Variants in REDIC1 observed in about 807,000 individuals in gnomAD.
REDIC1 encodes the protein HEI10 Interacting Protein 1.
chr12:39,843,798 T>G, the REDIC1 span, among the ~76,000 whole-genome samples: 1 of 152,024 alleles, frequency 6.6e-6, no homozygotes, highest in Non-Finnish European at 1.5e-5. Flanking sequence ...CACAAAGATT[T>G]TGTTATTGTT....
At chr12:39,841,976 A>G in the REDIC1 span, among the ~76,000 whole-genome samples, 1 of 152,096 alleles carries the variant, frequency 6.6e-6, no homozygotes, top group East Asian at 1.9e-4. Context: ...CTAAATAATT[A>G]CATGTTCTCA....
the REDIC1 span, among the ~76,000 whole-genome samples, chr12:39,802,690 T>A: frequency 1.3e-5 from 2 of 152,140 alleles, no homozygotes; most frequent in South Asian, 4.1e-4. Flanking sequence ...TGTCTATGTA[T>A]ACACACATAG....
the REDIC1 span, among the ~76,000 whole-genome samples, chr12:39,772,457 G>A: frequency 6.6e-6 from 1 of 151,950 alleles, no homozygotes; most frequent in Non-Finnish European, 1.5e-5. Flanking sequence ...ACCCTATGTA[G>A]AGATAAATGT....
At chr12:39,660,509 T>A in the REDIC1 span, among the ~76,000 whole-genome samples, 119,881 of 151,320 alleles carry the variant, frequency 0.79, 48,207 homozygotes, top group Non-Finnish European at 0.86. Context: ...TCTTTTTTTT[T>A]AAATTTTTTA....
At chr12:39,726,319 C>A in the REDIC1 span, among the ~76,000 whole-genome samples, 950 of 152,188 alleles carry the variant, frequency 6.2e-3, 6 homozygotes, top group African/African-American at 0.022. Context: ...CCTAGCCCCC[C>A]ACACCCCAAC....
the REDIC1 span, among the ~76,000 whole-genome samples, chr12:39,713,533 C>A: frequency 6.7e-6 from 1 of 148,892 alleles, no homozygotes; most frequent in Non-Finnish European, 1.5e-5. Flanking sequence ...CATGTGTACA[C>A]GTACATACGT....
the REDIC1 span, among the ~76,000 whole-genome samples, chr12:39,901,807 A>G: frequency 4.2e-5 from 6 of 142,296 alleles, no homozygotes; most frequent in African/African-American, 1.1e-4. Context: ...ATCTAGAACT[A>G]GAAATACCAT....
At chr12:39,713,181 A>G in the REDIC1 span, among the ~76,000 whole-genome samples, 1 of 150,004 alleles carries the variant, frequency 6.7e-6, no homozygotes, top group South Asian at 2.1e-4. Context: ...ATGTGCATAT[A>G]CCCATGTGTA....
chr12:39,888,790 T>G, the REDIC1 span, among the ~76,000 whole-genome samples: 4 of 152,134 alleles, frequency 2.6e-5, no homozygotes, highest in East Asian at 7.7e-4. Flanking sequence ...GTAACCAAAA[T>G]TTTATAATAT....
the REDIC1 span, among the ~76,000 whole-genome samples, chr12:39,638,546 C>A: frequency 6.6e-6 from 1 of 151,952 alleles, no homozygotes; most frequent in Non-Finnish European, 1.5e-5. Flanking sequence ...TTTGAATCAG[C>A]CAAATATACT....
the REDIC1 span, among the ~76,000 whole-genome samples, chr12:39,651,190 TATA>T: frequency 2.0e-5 from 3 of 152,292 alleles, no homozygotes; most frequent in Middle Eastern, 3.4e-3. Context: ...ATAGAACAAT[TATA>T]ATGATATACT....
chr12:39,661,315 G>A, the REDIC1 span, among the ~76,000 whole-genome samples: 6 of 151,790 alleles, frequency 4.0e-5, no homozygotes, highest in South Asian at 8.3e-4. Flanking sequence ...CTTGCTGTTT[G>A]TTATTTTTTT....
At chr12:39,803,133 A>C in the REDIC1 span, among the ~76,000 whole-genome samples, 1 of 151,832 alleles carries the variant, frequency 6.6e-6, no homozygotes, top group African/African-American at 2.4e-5. Context: ...CAGCCATTGT[A>C]AATGTTCCCT....
the REDIC1 span, among the ~76,000 whole-genome samples, chr12:39,790,207 T>C: frequency 2.0e-5 from 1 of 50,354 alleles, no homozygotes; most frequent in Non-Finnish European, 4.3e-5. Flanking sequence ...TGTACAGTGT[T>C]TTTTTTTTCT....
At chr12:39,688,364 G>A in the REDIC1 span, among the ~76,000 whole-genome samples, 1 of 152,188 alleles carries the variant, frequency 6.6e-6, no homozygotes, top group Non-Finnish European at 1.5e-5. Flanking sequence ...TCAATAAGTT[G>A]TTTACCAAAT....
chr12:39,711,279 CAT>C, the REDIC1 span, among the ~76,000 whole-genome samples: 7 of 148,006 alleles, frequency 4.7e-5, no homozygotes, highest in African/African-American at 9.9e-5. Context: ...GTATATATCA[CAT>C]ATATAGTGTA....
the REDIC1 span, among the ~76,000 whole-genome samples, chr12:39,896,229 C>CATATGTGTATATATGTATACATGTATGT: frequency 7.9e-6 from 1 of 126,434 alleles, no homozygotes; most frequent in African/African-American, 3.0e-5. Flanking sequence ...TACATATATG[C>CATATGTGTATATATGTATACATGTATGT]ATATGTGTAT....
chr12:39,777,469 G>C, the REDIC1 span, among the ~76,000 whole-genome samples: 1 of 152,216 alleles, frequency 6.6e-6, no homozygotes, highest in African/African-American at 2.4e-5. Context: ...GGAAGTGCTA[G>C]GTAGAGGAGG....
chr12:39,752,001 T>C, the REDIC1 span, among the ~76,000 whole-genome samples: 1 of 152,134 alleles, frequency 6.6e-6, no homozygotes, highest in African/African-American at 2.4e-5. Context: ...TGTATACATA[T>C]GTAAGAAACC....
Sources: gnomAD v4.1 joint callset for allele counts (sites outside exome capture counted in the v4.1 genomes callset) on GRCh38, gnomAD v4.1.1 for gene constraint, MANE v1.5 for transcripts, NCBI Gene and HGNC (gene_info 2026-07-23, HGNC 2026-07-21) for gene names.